The following KANSL3 variants were observed in gnomAD, a reference collection of about 807,000 sequenced individuals.
The protein encoded by KANSL3 is NSL complex protein NSL3.
Under a neutral mutation model 89.2 loss-of-function variants are expected in KANSL3, and 16 were observed. That is an observed-to-expected ratio of 0.18 (90% CI 0.12 to 0.27). The LOEUF (loss-of-function observed/expected upper bound fraction) is 0.27, where lower values mean the gene tolerates loss of function less well. KANSL3 is among the 10% of genes least tolerant of loss of function. KANSL3 has a pLI of 1.00. For missense variants in KANSL3, 879 were observed against 1,110.6 expected, an observed-to-expected ratio of 0.79 and a Z score of 2.96; for synonymous variants, 385 against 419.7, an observed-to-expected ratio of 0.92 and a Z score of 1.01.
At chr2:96,612,421 G>C in intron 8 of KANSL3, 41 bp downstream of exon 8, 1 of 1,600,446 alleles carries the variant, frequency 6.2e-7, no homozygotes. Flanking sequence ...ACCCCAGAAT[G>C]CTGGGTATGC....
intron 3 of KANSL3, among the ~76,000 whole-genome samples, chr2:96,629,307 C>G (rs1274010924): frequency 6.6e-6 from 1 of 152,120 alleles, no homozygotes; most frequent in African/African-American, 2.4e-5. Flanking sequence ...TCTTCTTTAT[C>G]TGAAGCTCAA....
chr2:96,602,614 G>GT (rs1054475800), intron 18 of KANSL3, 139 bp downstream of exon 18: 3 of 699,516 alleles, frequency 4.3e-6, no homozygotes, highest in Non-Finnish European at 2.4e-6. Context: ...CTTAACTTTT[G>GT]TAAGTTCCCT....
In KANSL3 at chr2:96,610,839, A is replaced by G; in HGVS notation, c.1206T>C (p.Phe402=). The G allele has an allele frequency of 1.9e-6, 3 of 1,614,004 alleles. No individual in the cohort carries two copies. The highest frequency in any genetic ancestry group is 2.5e-6 in the Non-Finnish European group (3 of 1,179,872). The stretch of plus-strand genomic sequence containing the variant: ...ATTGAAGGGAATTCTGACCAATGAC[A>G]AAGAGGACTGGAGTCTTCATATCCA... The part of the protein sequence containing the change: ...PLLDMKTPVL[F]VIGQNSLQCH... The change falls in exon 11 of 21, where the codon TTT becomes TTC. Residue 402 remains phenylalanine (F), a synonymous_variant. Coordinates refer to ENST00000431828, the MANE Select transcript of KANSL3 (RefSeq NM_001115016.3).
chr2:96,613,707 T>G (rs1031993059), intron 5 of KANSL3, 88 bp from the exon 6 acceptor site: 1 of 1,290,474 alleles, frequency 7.7e-7, no homozygotes, highest in African/African-American at 1.5e-5. Context: ...AGAGCCCCAC[T>G]ATAAGCCATA....
rs751287619 is a variant in KANSL3, at chr2:96,627,927, G to C, written c.386+3385C>G. Reference sequence around the variant, plus strand: ...TATGTACAAAAGTTACCTACCAAAAGAGATGGTGTGTAAGCCTGCTGCCAA... The same window carrying C: ...TATGTACAAAAGTTACCTACCAAAACAGATGGTGTGTAAGCCTGCTGCCAA... On this transcript the variant is annotated intron_variant, in intron 3 of 20. Transcript: ENST00000431828. 1.1e-5 allele frequency: 14 copies of C among 1,289,702 alleles called. No individual in the cohort carries two copies. In the East Asian group the frequency reaches 7.8e-4, roughly 71 times the overall value. 79.9% of individuals were successfully genotyped at this position (1,289,702 alleles called of 1,614,324 possible).
the KANSL3 span, among the ~76,000 whole-genome samples, chr2:96,582,528 T>G: frequency 4.6e-5 from 7 of 152,246 alleles, no homozygotes; most frequent in Non-Finnish European, 7.3e-5. Flanking sequence ...TTTTCTAGTT[T>G]GGACTTCTCT....
intron 9 of KANSL3, among the ~76,000 whole-genome samples, chr2:96,611,558 G>C (rs2068951919): frequency 6.6e-6 from 1 of 152,180 alleles, no homozygotes; most frequent in Admixed American, 6.5e-5. Flanking sequence ...AGACAGCCTA[G>C]ATTTCTTGGA....
At chr2:96,620,115 C>T (rs6576978) in intron 3 of KANSL3, among the ~76,000 whole-genome samples, 116,869 of 152,184 alleles carry the variant, frequency 0.77, 46,111 homozygotes, top group African/African-American at 0.94. Flanking sequence ...CACAGCACCA[C>T]TGAACAGACG....
chr2:96,635,604 T>C (rs1313109610), intron 2 of KANSL3, among the ~76,000 whole-genome samples: 2 of 152,212 alleles, frequency 1.3e-5, no homozygotes, highest in African/African-American at 4.8e-5. Context: ...TGCCTAAAGT[T>C]ACAGATTTTA....
chr2:96,600,615 T>A, intron 20 of KANSL3: 1 of 985,398 alleles, frequency 1.0e-6, no homozygotes, highest in African/African-American at 1.7e-5. Flanking sequence ...CAGGAAGGCC[T>A]TGGCTGTATA....
Position 96,595,527 on chromosome 2 carries a change from C to T in KANSL3, c.*84G>A. On this transcript the variant is annotated 3_prime_UTR_variant, in exon 21 of 21. Coordinates refer to ENST00000431828, the MANE Select transcript of KANSL3 (RefSeq NM_001115016.3). ...AACAGGTCTTCCGACACGTGGACAG[C>T]TCAGCAGGACCACACACCTGTCCAG... 1 of 1,481,188 alleles carries T rather than the reference C, an allele frequency of 6.8e-7. No individual in the cohort carries two copies. The highest frequency in any genetic ancestry group is 9.4e-7 in the Non-Finnish European group (1 of 1,068,704). The allele number at this position is 1,481,188 out of a possible 1,614,324, so 91.8% of individuals were successfully genotyped here.
At chr2:96,609,679 G>A (rs1388102969) in intron 11 of KANSL3, 117 bp from the exon 12 acceptor site, 2 of 965,160 alleles carry the variant, frequency 2.1e-6, no homozygotes, top group African/African-American at 3.2e-5. Flanking sequence ...GGAGGGCCAT[G>A]TTAGCCTTAG....
chr2:96,593,160 G>A (rs1032237895), downstream of KANSL3: 6 of 438,412 alleles, frequency 1.4e-5, no homozygotes, highest in Non-Finnish European at 2.8e-5. Flanking sequence ...AGAAGCTGAA[G>A]CAATCCAAAT....
intron 20 of KANSL3, chr2:96,600,846 T>G (rs2067071183): frequency 4.1e-6 from 4 of 985,358 alleles, no homozygotes; most frequent in Non-Finnish European, 4.8e-6. Context: ...CAATAAATGC[T>G]AAGATATGGG....
chr2:96,633,667 A>AC (rs1236646518), intron 2 of KANSL3, among the ~76,000 whole-genome samples: 6 of 151,986 alleles, frequency 3.9e-5, no homozygotes, highest in Admixed American at 3.9e-4. Flanking sequence ...GGAGTTTGCA[A>AC]CCAGCCTGGG....
the KANSL3 span, among the ~76,000 whole-genome samples, chr2:96,581,579 C>T: frequency 1.3e-5 from 2 of 152,094 alleles, no homozygotes; most frequent in Non-Finnish European, 2.9e-5. Flanking sequence ...ATCTTTTGCT[C>T]CCTTACCCCA....
At chr2:96,620,269 C>G (rs2071002146) in intron 3 of KANSL3, among the ~76,000 whole-genome samples, 5 of 152,222 alleles carry the variant, frequency 3.3e-5, no homozygotes, top group Admixed American at 3.3e-4. Flanking sequence ...GAAATATAAC[C>G]AATAAAGAGG....
intron 5 of KANSL3, among the ~76,000 whole-genome samples, chr2:96,614,467 T>C (rs72941206): frequency 0.021 from 3,135 of 152,026 alleles, 117 homozygotes; most frequent in African/African-American, 0.07. Flanking sequence ...AAATAGAAAA[T>C]ATAAAGATTA....
intron 3 of KANSL3, among the ~76,000 whole-genome samples, chr2:96,623,104 A>G (rs2071611197): frequency 6.6e-6 from 1 of 152,258 alleles, no homozygotes; most frequent in Non-Finnish European, 1.5e-5. Flanking sequence ...TTTAAGTGCT[A>G]TATCCCCAGC....
Sources: gnomAD v4.1 joint callset for allele counts (sites outside exome capture counted in the v4.1 genomes callset) on GRCh38, gnomAD v4.1.1 for gene constraint, MANE v1.5 for transcripts, NCBI Gene and HGNC (gene_info 2026-07-23, HGNC 2026-07-21) for gene names.